Variants in DYNC1I1 observed in about 807,000 individuals in gnomAD.
DYNC1I1 encodes the protein cytoplasmic dynein 1 intermediate chain 1.
Under a neutral mutation model 86.6 loss-of-function variants are expected in DYNC1I1, and 43 were observed. The ratio of observed to expected loss-of-function variants is 0.50; its 90% CI spans 0.39 to 0.64. DYNC1I1 has a LOEUF of 0.64. DYNC1I1 is among the 30% of genes least tolerant of loss of function. The probability of loss-of-function intolerance (pLI) is 0.00; values close to 1 mark genes in which losing one functional copy is unlikely to be tolerated. For missense variants in DYNC1I1, 604 were observed against 788.8 expected, an observed-to-expected ratio of 0.77 and a Z score of 2.81; for synonymous variants, 262 against 283.7, an observed-to-expected ratio of 0.92 and a Z score of 0.77.
chr7:95,871,190 C>T (rs948607921), intron 6 of DYNC1I1, among the ~76,000 whole-genome samples: 1 of 152,192 alleles, frequency 6.6e-6, no homozygotes, highest in African/African-American at 2.4e-5. Context: ...CCTATACAAG[C>T]TGTTGTGGGG....
At chr7:96,061,710 T>TCACACACA (rs753791899) in intron 14 of DYNC1I1, among the ~76,000 whole-genome samples, 26 of 112,714 alleles carry the variant, frequency 2.3e-4, no homozygotes, top group African/African-American at 1.0e-3. Flanking sequence ...TCTCTCTCTC[T>TCACACACA]CTCACACACA....
At chr7:96,081,473 C>T (rs538847532) in intron 16 of DYNC1I1, among the ~76,000 whole-genome samples, 4 of 152,098 alleles carry the variant, frequency 2.6e-5, no homozygotes, top group East Asian at 1.9e-4. Flanking sequence ...TGACCAAAAC[C>T]TTCATTTCTG....
chr7:95,965,998 A>C (rs1793002581), intron 6 of DYNC1I1, among the ~76,000 whole-genome samples: 1 of 152,176 alleles, frequency 6.6e-6, no homozygotes, highest in Non-Finnish European at 1.5e-5. Context: ...TGGCAGCTTC[A>C]GTTCCACAGC....
In DYNC1I1 at chr7:95,833,182, A is replaced by G. The variant is rs375215221; in HGVS notation, c.374+5066A>G. Among the ~76,000 whole-genome samples, 56 of 131,468 alleles carry G rather than the reference A, an allele frequency of 4.3e-4. 2 individuals carry two copies. In the East Asian group the frequency reaches 0.012, roughly 29 times the overall value. 86.2% of individuals were successfully genotyped at this position (131,468 alleles called of 152,430 possible). ...GGAAGGGATCCAGTTTCAGCTTTCT[A>G]CATATGGCTAGCCAGTTTTCCCAGC... On this transcript the variant is annotated intron_variant, in intron 5 of 16. Coordinates refer to ENST00000447467, the MANE Select transcript of DYNC1I1 (RefSeq NM_001135556.2).
chr7:95,862,145 AT>A (rs918440232), intron 5 of DYNC1I1, among the ~76,000 whole-genome samples: 2 of 152,152 alleles, frequency 1.3e-5, no homozygotes, highest in Non-Finnish European at 2.9e-5. Flanking sequence ...TTAGGCAATG[AT>A]TTTTTTAGAT....
intron 14 of DYNC1I1, among the ~76,000 whole-genome samples, chr7:96,046,870 T>C (rs1471580080): frequency 2.0e-5 from 3 of 151,982 alleles, no homozygotes; most frequent in Non-Finnish European, 4.4e-5. Context: ...GGGTTAGAGG[T>C]AGGAAATCAG....
intron 14 of DYNC1I1, among the ~76,000 whole-genome samples, chr7:96,059,912 T>C (rs1299660693): frequency 6.6e-6 from 1 of 152,174 alleles, no homozygotes; most frequent in East Asian, 1.9e-4. Flanking sequence ...TAATGTATGG[T>C]CTTTTTGGCC....
At chr7:96,006,463 A>T (rs1264667078) in intron 10 of DYNC1I1, among the ~76,000 whole-genome samples, 3 of 152,104 alleles carry the variant, frequency 2.0e-5, no homozygotes, top group African/African-American at 7.2e-5. Context: ...CAAATTTGTG[A>T]ATATTTAGCT....
intron 6 of DYNC1I1, among the ~76,000 whole-genome samples, chr7:95,934,178 G>C (rs928225599): frequency 2.6e-5 from 4 of 151,978 alleles, no homozygotes; most frequent in Admixed American, 2.0e-4. Context: ...ACCAACCATG[G>C]CCCCCCTCAA....
chr7:95,965,714 G>A (rs1348270684), intron 6 of DYNC1I1, among the ~76,000 whole-genome samples: 1 of 152,042 alleles, frequency 6.6e-6, no homozygotes, highest in Admixed American at 6.6e-5. Context: ...TGCTGAAAGG[G>A]ATTATCAAGA....
At chr7:95,972,626 C>T (rs1584214212) in intron 6 of DYNC1I1, among the ~76,000 whole-genome samples, 1 of 152,130 alleles carries the variant, frequency 6.6e-6, no homozygotes, top group Non-Finnish European at 1.5e-5. Context: ...TGTTCCACTG[C>T]ACTCCCCTTC....
chr7:95,884,403 A>ATT (rs760044583), intron 6 of DYNC1I1, among the ~76,000 whole-genome samples: 1 of 145,158 alleles, frequency 6.9e-6, no homozygotes, highest in African/African-American at 2.5e-5. Context: ...CTGGCCCTTC[A>ATT]TTTTTTTTTT....
intron 1 of DYNC1I1, among the ~76,000 whole-genome samples, chr7:95,793,609 C>T (rs1223007153): frequency 6.6e-6 from 1 of 152,162 alleles, no homozygotes; most frequent in Non-Finnish European, 1.5e-5. Context: ...TTATCTATGG[C>T]TAGCAGATGT....
At chr7:95,905,154 T>C (rs1308153604) in intron 6 of DYNC1I1, among the ~76,000 whole-genome samples, 1 of 152,214 alleles carries the variant, frequency 6.6e-6, no homozygotes, top group East Asian at 1.9e-4. Context: ...CCTGTTGGAA[T>C]GCCAATTGGA....
chr7:95,835,691 T>C (rs905777358), intron 5 of DYNC1I1, among the ~76,000 whole-genome samples: 18 of 152,138 alleles, frequency 1.2e-4, no homozygotes, highest in African/African-American at 4.3e-4. Flanking sequence ...GATAGTTAGC[T>C]CTTCTTGTTG....
chr7:95,938,553 A>T (rs1334770583), intron 6 of DYNC1I1, among the ~76,000 whole-genome samples: 1 of 152,142 alleles, frequency 6.6e-6, no homozygotes, highest in Admixed American at 6.6e-5. Context: ...CATCAGATAG[A>T]TCCAGCTTCA....
intron 10 of DYNC1I1, among the ~76,000 whole-genome samples, chr7:96,010,465 G>T (rs949695190): frequency 1.3e-5 from 2 of 152,196 alleles, no homozygotes; most frequent in African/African-American, 4.8e-5. Context: ...TTATTAGGCA[G>T]GGAAAACTAG....
At chr7:96,055,242 C>A (rs1789538086) in intron 14 of DYNC1I1, among the ~76,000 whole-genome samples, 1 of 151,960 alleles carries the variant, frequency 6.6e-6, no homozygotes, top group Admixed American at 6.6e-5. Context: ...GGGAACATCA[C>A]ACACTGGGGT....
intron 16 of DYNC1I1, among the ~76,000 whole-genome samples, chr7:96,086,493 T>A (rs1790683614): frequency 6.6e-6 from 1 of 152,206 alleles, no homozygotes; most frequent in African/African-American, 2.4e-5. Context: ...ACAAATCTTA[T>A]CCTAGCTTTA....
Sources: gnomAD v4.1 joint callset for allele counts (sites outside exome capture counted in the v4.1 genomes callset) on GRCh38, gnomAD v4.1.1 for gene constraint, MANE v1.5 for transcripts, NCBI Gene and HGNC (gene_info 2026-07-23, HGNC 2026-07-21) for gene names.